Variants in TENM2 observed in about 807,000 individuals in gnomAD.
TENM2 encodes teneurin-2.
In TENM2, 52 loss-of-function variants were observed where a neutral mutation model predicts 245.2. The ratio of observed to expected loss-of-function variants is 0.21; its 90% CI spans 0.17 to 0.27. The LOEUF (loss-of-function observed/expected upper bound fraction) is 0.27, where lower values mean the gene tolerates loss of function less well. Among genes scored for constraint, TENM2 ranks in the 10% least tolerant of loss-of-function variants. The pLI is 1.00. For missense variants in TENM2, 3,046 were observed against 3,666.8 expected, an observed-to-expected ratio of 0.83 and a Z score of 4.37; for synonymous variants, 1,363 against 1,438.9, an observed-to-expected ratio of 0.95 and a Z score of 1.19.
At chr5:167,079,173 T>TCACAAATATGGAATC in the TENM2 span, among the ~76,000 whole-genome samples, 5 of 151,944 alleles carry the variant, frequency 3.3e-5, no homozygotes, top group South Asian at 1.0e-3. Context: ...ATGGGCAAAT[T>TCACAAATATGGAATC]CACAAATATG....
the TENM2 span, among the ~76,000 whole-genome samples, chr5:167,268,350 A>G: frequency 2.6e-5 from 4 of 152,198 alleles, no homozygotes; most frequent in Non-Finnish European, 4.4e-5. Context: ...GCATCTTCTC[A>G]AGAGATGCAC....
At chr5:167,762,077 A>G (rs532382292) in intron 2 of TENM2, among the ~76,000 whole-genome samples, 1 of 152,298 alleles carries the variant, frequency 6.6e-6, no homozygotes, top group South Asian at 2.1e-4. Context: ...TGATTCTCAG[A>G]TGGCTCTTTG....
At chr5:167,098,106 A>G in the TENM2 span, among the ~76,000 whole-genome samples, 1 of 152,170 alleles carries the variant, frequency 6.6e-6, no homozygotes, top group Admixed American at 6.6e-5. Context: ...TGTGGTCACC[A>G]TTTGGGAACT....
chr5:167,493,289 G>T (rs1025532229), intron 2 of TENM2, among the ~76,000 whole-genome samples: 4 of 151,098 alleles, frequency 2.6e-5, no homozygotes, highest in Non-Finnish European at 1.5e-5. Context: ...AAAAAGAAAA[G>T]AAAAAAAAGA....
the TENM2 span, among the ~76,000 whole-genome samples, chr5:167,080,643 AG>A: frequency 6.6e-6 from 1 of 152,270 alleles, no homozygotes; most frequent in South Asian, 2.1e-4. Context: ...TGCATAAATA[AG>A]TAAATAAATA....
chr5:167,607,643 A>G (rs76167254), intron 2 of TENM2, among the ~76,000 whole-genome samples: 2,548 of 152,268 alleles, frequency 0.017, 70 homozygotes, highest in African/African-American at 0.058. Context: ...CCAGTTGGCA[A>G]TTTCTGGCGT....
chr5:168,011,886 A>G (rs996763246), intron 5 of TENM2, among the ~76,000 whole-genome samples: 3 of 152,256 alleles, frequency 2.0e-5, no homozygotes, highest in Admixed American at 6.5e-5. Context: ...CTTCACATTT[A>G]ATATCTGACC....
intron 2 of TENM2, among the ~76,000 whole-genome samples, chr5:167,511,769 A>G (rs1466941189): frequency 6.6e-6 from 1 of 152,210 alleles, no homozygotes; most frequent in Non-Finnish European, 1.5e-5. Flanking sequence ...AAGGGCATAA[A>G]AATAAGGAGT....
At chr5:167,885,911 G>A (rs958002135) in intron 3 of TENM2, among the ~76,000 whole-genome samples, 10 of 152,142 alleles carry the variant, frequency 6.6e-5, no homozygotes, top group Non-Finnish European at 1.0e-4. Context: ...TCAAACTCCT[G>A]ACCTCAGGTG....
At chr5:167,269,590 GTACTGTCAGTCCTCCCTCCCC>G in the TENM2 span, among the ~76,000 whole-genome samples, 1 of 151,824 alleles carries the variant, frequency 6.6e-6, no homozygotes. Context: ...AAAGTGCATT[GTACTGTCAGTCCTCCCTCCCC>G]TACCTTTTTG....
intron 2 of TENM2, among the ~76,000 whole-genome samples, chr5:167,473,654 G>T (rs1767180209): frequency 6.6e-6 from 1 of 152,174 alleles, no homozygotes; most frequent in Non-Finnish European, 1.5e-5. Context: ...AAGTGTTATT[G>T]TAGATTGTGA....
At chr5:168,217,437 C>T (rs1763298724) in intron 22 of TENM2, among the ~76,000 whole-genome samples, 1 of 152,212 alleles carries the variant, frequency 6.6e-6, no homozygotes, top group South Asian at 2.1e-4. Context: ...AAATATACAG[C>T]ATTTGTTCTC....
intron 3 of TENM2, among the ~76,000 whole-genome samples, chr5:167,930,337 T>C (rs975234849): frequency 2.6e-5 from 4 of 152,282 alleles, no homozygotes; most frequent in South Asian, 4.1e-4. Context: ...TAGGAACAAA[T>C]AAGTTAGTGA....
intron 2 of TENM2, among the ~76,000 whole-genome samples, chr5:167,457,513 A>G (rs995203501): frequency 2.0e-5 from 3 of 151,802 alleles, no homozygotes; most frequent in African/African-American, 7.3e-5. Context: ...ATGCCCGGGT[A>G]ATTTTGTATT....
chr5:167,345,768 G>A (rs1276186157), intron 1 of TENM2, among the ~76,000 whole-genome samples: 1 of 152,060 alleles, frequency 6.6e-6, no homozygotes, highest in Non-Finnish European at 1.5e-5. Context: ...CAATGTAGGA[G>A]GGAATGTTAT....
intron 1 of TENM2, among the ~76,000 whole-genome samples, chr5:167,362,053 CAACA>C (rs1223637204): frequency 6.6e-6 from 1 of 152,148 alleles, no homozygotes; most frequent in African/African-American, 2.4e-5. Context: ...GTATGTGACT[CAACA>C]ACTCTCTGTA....
intron 2 of TENM2, among the ~76,000 whole-genome samples, chr5:167,422,426 T>A (rs1180416513): frequency 6.6e-6 from 1 of 152,176 alleles, no homozygotes; most frequent in African/African-American, 2.4e-5. Context: ...GGAACTTCAC[T>A]GGCCCAAAGC....
the TENM2 span, among the ~76,000 whole-genome samples, chr5:167,088,484 G>A: frequency 2.6e-5 from 4 of 151,952 alleles, no homozygotes; most frequent in Non-Finnish European, 5.9e-5. Flanking sequence ...AAAATTAGAG[G>A]GGCGTGGTTT....
chr5:167,880,678 T>C (rs1213033825), intron 3 of TENM2, among the ~76,000 whole-genome samples: 1 of 152,212 alleles, frequency 6.6e-6, no homozygotes, highest in African/African-American at 2.4e-5. Flanking sequence ...TATGCTAATT[T>C]CCTGTCAAAA....
Sources: allele counts gnomAD v4.1 joint callset (sites outside exome capture counted in the v4.1 genomes callset), GRCh38; gene constraint gnomAD v4.1.1; transcripts MANE v1.5; gene names NCBI Gene and HGNC (gene_info 2026-07-23, HGNC 2026-07-21).